LYPLAL1: variants seen among roughly 807,000 people sequenced by gnomAD.
The protein encoded by LYPLAL1 is lysophospholipase like 1.
Under a neutral mutation model 19.7 loss-of-function variants are expected in LYPLAL1, and 23 were observed. The ratio of observed to expected loss-of-function variants is 1.17; its 90% CI spans 0.84 to 1.65. The LOEUF is 1.65. LYPLAL1 is among the 40% of genes most tolerant of loss of function. The probability of loss-of-function intolerance (pLI) is 0.00; values close to 1 mark genes in which losing one functional copy is unlikely to be tolerated. For synonymous variants in LYPLAL1, 119 were observed against 96.3 expected (o/e 1.24, Z -1.38); for missense variants, 355 against 279.4 (o/e 1.27, Z -1.93).
chr1:219,396,565 C>T, the LYPLAL1 span, among the ~76,000 whole-genome samples: 9,073 of 152,096 alleles, frequency 0.06, 352 homozygotes, highest in South Asian at 0.089. Context: ...AATATTTTTC[C>T]GTTTGTTAGT....
At chr1:219,293,434 A>C in the LYPLAL1 span, among the ~76,000 whole-genome samples, 1 of 152,202 alleles carries the variant, frequency 6.6e-6, no homozygotes, top group African/African-American at 2.4e-5. Flanking sequence ...AGAGTTAAAA[A>C]TATAGTCTCT....
chr1:219,256,137 A>G, the LYPLAL1 span, among the ~76,000 whole-genome samples: 204 of 152,006 alleles, frequency 1.3e-3, no homozygotes, highest in Non-Finnish European at 2.4e-3. Context: ...GAGTTTTTAT[A>G]ATAACATATT....
At chr1:219,348,374 C>T in the LYPLAL1 span, among the ~76,000 whole-genome samples, 33 of 152,278 alleles carry the variant, frequency 2.2e-4, 1 homozygote, top group East Asian at 4.8e-3. Context: ...TGGTTGGGGT[C>T]AATTCGTGTG....
the LYPLAL1 span, among the ~76,000 whole-genome samples, chr1:219,327,672 C>T: frequency 6.6e-6 from 1 of 152,182 alleles, no homozygotes; most frequent in Non-Finnish European, 1.5e-5. Flanking sequence ...GAAATCTCAT[C>T]TTGAACTGTA....
At chr1:219,445,419 CG>C in the LYPLAL1 span, among the ~76,000 whole-genome samples, 2 of 30,904 alleles carry the variant, frequency 6.5e-5, no homozygotes, top group African/African-American at 3.2e-4. Context: ...GGGGGGGGGG[CG>C]GTGGGGGGAA....
chr1:219,439,712 T>G, the LYPLAL1 span, among the ~76,000 whole-genome samples: 3 of 152,082 alleles, frequency 2.0e-5, no homozygotes, highest in Non-Finnish European at 4.4e-5. Flanking sequence ...GGGTCTGGCA[T>G]TGTGGATATA....
the LYPLAL1 span, among the ~76,000 whole-genome samples, chr1:219,321,983 C>T: frequency 6.6e-6 from 1 of 152,150 alleles, no homozygotes; most frequent in African/African-American, 2.4e-5. Flanking sequence ...TAGACAAAAT[C>T]TGGAACATAA....
chr1:219,299,320 G>A, the LYPLAL1 span, among the ~76,000 whole-genome samples: 5 of 151,920 alleles, frequency 3.3e-5, no homozygotes, highest in Admixed American at 6.6e-5. Context: ...CACTGTTACC[G>A]GTTATTACAT....
At chr1:219,226,731 A>C in the LYPLAL1 span, among the ~76,000 whole-genome samples, 5 of 152,202 alleles carry the variant, frequency 3.3e-5, 1 homozygote, top group Admixed American at 2.0e-4. Flanking sequence ...TTATTAGTTA[A>C]TATTTATTGC....
the LYPLAL1 span, among the ~76,000 whole-genome samples, chr1:219,252,165 C>A: frequency 6.6e-6 from 1 of 152,050 alleles, no homozygotes; most frequent in Non-Finnish European, 1.5e-5. Context: ...AATTGCTCAT[C>A]ATCTGGAGGA....
the LYPLAL1 span, among the ~76,000 whole-genome samples, chr1:219,316,371 T>C: frequency 6.6e-6 from 1 of 152,214 alleles, no homozygotes; most frequent in Non-Finnish European, 1.5e-5. Flanking sequence ...AAGATTTTCA[T>C]ATCAATGTTC....
the LYPLAL1 span, among the ~76,000 whole-genome samples, chr1:219,294,300 A>T: frequency 6.6e-6 from 1 of 152,172 alleles, no homozygotes; most frequent in Non-Finnish European, 1.5e-5. Context: ...TTAGTCAAGG[A>T]TCCTTGTGGA....
the LYPLAL1 span, among the ~76,000 whole-genome samples, chr1:219,420,716 C>T: frequency 6.6e-6 from 1 of 152,180 alleles, no homozygotes; most frequent in South Asian, 2.1e-4. Flanking sequence ...ATTGAAGTAT[C>T]ATGGAAAAAC....
chr1:219,369,381 C>T, the LYPLAL1 span, among the ~76,000 whole-genome samples: 1 of 152,242 alleles, frequency 6.6e-6, no homozygotes, highest in Non-Finnish European at 1.5e-5. Context: ...AAGCAATTCT[C>T]CTGCCTCAGC....
chr1:219,409,157 A>G, the LYPLAL1 span, among the ~76,000 whole-genome samples: 1 of 152,228 alleles, frequency 6.6e-6, no homozygotes. Context: ...AAAACTTTTA[A>G]AAATAAAATG....
the LYPLAL1 span, among the ~76,000 whole-genome samples, chr1:219,284,939 G>C: frequency 6.6e-6 from 1 of 152,106 alleles, no homozygotes; most frequent in Admixed American, 6.6e-5. Flanking sequence ...TTTTAACCCA[G>C]GTAGTGATCA....
intron 3 of LYPLAL1, among the ~76,000 whole-genome samples, chr1:219,200,835 T>A (rs1279359037): frequency 6.6e-6 from 1 of 152,256 alleles, no homozygotes; most frequent in African/African-American, 2.4e-5. Flanking sequence ...GGAAGGGTCC[T>A]GAGGACAGGA....
the LYPLAL1 span, among the ~76,000 whole-genome samples, chr1:219,296,911 C>G: frequency 6.6e-6 from 1 of 152,140 alleles, no homozygotes; most frequent in African/African-American, 2.4e-5. Flanking sequence ...CCATGTGGTT[C>G]TTAAGCCAGG....
chr1:219,241,134 C>CTCTCTCTCTATACATATATATA, the LYPLAL1 span, among the ~76,000 whole-genome samples: 1 of 44,358 alleles, frequency 2.3e-5, no homozygotes, highest in Non-Finnish European at 4.3e-5. Context: ...CTCTCTCTCT[C>CTCTCTCTCTATACATATATATA]TATATATATA....
Sources: gnomAD v4.1 joint callset for allele counts (sites outside exome capture counted in the v4.1 genomes callset) on GRCh38, gnomAD v4.1.1 for gene constraint, MANE v1.5 for transcripts, NCBI Gene and HGNC (gene_info 2026-07-23, HGNC 2026-07-21) for gene names.